Variants in UNC5D observed in about 807,000 individuals in gnomAD.
UNC5D encodes the protein netrin receptor UNC5D.
UNC5D carries 39 observed loss-of-function variants against 105.4 expected under a neutral mutation model. The observed-to-expected ratio is 0.37, with a 90% CI of 0.29 to 0.48. The LOEUF is 0.48. UNC5D is among the 20% of genes least tolerant of loss of function. The probability of loss-of-function intolerance (pLI) is 0.98; values close to 1 mark genes in which losing one functional copy is unlikely to be tolerated. For missense variants in UNC5D, 991 were observed against 1,202.4 expected (o/e 0.82, Z 2.60); for synonymous variants, 452 against 450.4 (o/e 1.00, Z -0.04).
At chr8:35,350,806 G>C (rs1812182857) in intron 1 of UNC5D, among the ~76,000 whole-genome samples, 1 of 151,976 alleles carries the variant, frequency 6.6e-6, no homozygotes, top group African/African-American at 2.4e-5. Flanking sequence ...TAATGTTTTT[G>C]AGTTTGTTTT....
At chr8:35,287,082 G>A in intron 1 of UNC5D, among the ~76,000 whole-genome samples, 1 of 152,112 alleles carries the variant, frequency 6.6e-6, no homozygotes, top group Non-Finnish European at 1.5e-5. Flanking sequence ...CCAAGCAAAG[G>A]CTGCCAGCCA....
intron 1 of UNC5D, among the ~76,000 whole-genome samples, chr8:35,259,126 C>T (rs943660507): frequency 6.6e-6 from 1 of 152,172 alleles, no homozygotes; most frequent in Non-Finnish European, 1.5e-5. Flanking sequence ...TGGTGTTGAG[C>T]TCTAAACTCC....
intron 1 of UNC5D, among the ~76,000 whole-genome samples, chr8:35,263,027 A>C (rs1480686431): frequency 6.6e-6 from 1 of 152,170 alleles, no homozygotes; most frequent in Non-Finnish European, 1.5e-5. Flanking sequence ...TTCCAGTTTC[A>C]TCTCTCACCA....
intron 1 of UNC5D, among the ~76,000 whole-genome samples, chr8:35,480,584 CTT>C (rs1252212957): frequency 6.6e-6 from 1 of 152,108 alleles, no homozygotes. Flanking sequence ...TATTGAACAA[CTT>C]TTTTTAATTG....
intron 11 of UNC5D, among the ~76,000 whole-genome samples, chr8:35,743,114 CAG>C (rs1469663610): frequency 6.6e-6 from 1 of 152,212 alleles, no homozygotes; most frequent in Admixed American, 6.5e-5. Context: ...GTCATCAAGA[CAG>C]AAAGTCAGCA....
chr8:35,475,787 CATA>C (rs1428208019), intron 1 of UNC5D, among the ~76,000 whole-genome samples: 1 of 152,130 alleles, frequency 6.6e-6, no homozygotes, highest in Non-Finnish European at 1.5e-5. Context: ...TACTTATGAC[CATA>C]ATGACCCATC....
chr8:35,525,867 T>G, intron 1 of UNC5D: 1 of 1,232,608 alleles, frequency 8.1e-7, no homozygotes, highest in Non-Finnish European at 1.1e-6. Flanking sequence ...AAAATCCAGT[T>G]TAGCTATTAA....
chr8:35,393,211 C>T (rs1480470017), intron 1 of UNC5D, among the ~76,000 whole-genome samples: 3 of 139,034 alleles, frequency 2.2e-5, no homozygotes, highest in Non-Finnish European at 3.0e-5. Flanking sequence ...CGGCTCACTG[C>T]AGGCTCCGCC....
Position 35,680,747 on chromosome 8 carries a change from C to T in UNC5D, c.571-2800C>T, listed in dbSNP as rs368571615. Among the ~76,000 whole-genome samples the T allele has an allele frequency of 5.3e-5, 8 of 152,272 alleles. No homozygotes were observed. In the South Asian group the frequency reaches 1.7e-3, roughly 32 times the overall value. On this transcript the variant is annotated intron_variant, in intron 4 of 16. Transcript: ENST00000404895. Reference sequence around the variant, plus strand: ...GTGCTAGGACTCCTTTAGTTTCAATCTTCAGGAGCACTGCCCACAGGGCTA... The same window carrying T: ...GTGCTAGGACTCCTTTAGTTTCAATTTTCAGGAGCACTGCCCACAGGGCTA...
At chr8:35,539,076 A>G (rs893597041) in intron 1 of UNC5D, among the ~76,000 whole-genome samples, 3 of 152,186 alleles carry the variant, frequency 2.0e-5, no homozygotes, top group Non-Finnish European at 4.4e-5. Flanking sequence ...CACACCTGCA[A>G]TCATTAGAAT....
intron 15 of UNC5D, among the ~76,000 whole-genome samples, 183 bp from the exon 16 acceptor site, chr8:35,774,116 T>G (rs1039522107): frequency 2.0e-5 from 3 of 152,206 alleles, no homozygotes; most frequent in Non-Finnish European, 4.4e-5. Context: ...TTTATTAGGC[T>G]ACTAGAGAAG....
intron 4 of UNC5D, among the ~76,000 whole-genome samples, chr8:35,641,366 C>CAGAAAAAAAAAAAAAAAAAGAAAAA (rs1822706608): frequency 2.3e-5 from 1 of 44,292 alleles, no homozygotes; most frequent in African/African-American, 8.5e-5. Flanking sequence ...AAAAATAAAG[C>CAGAAAAAAAAAAAAAAAAAGAAAAA]AAAAAAAAAA....
At chr8:35,453,617 A>T (rs1273890050) in intron 1 of UNC5D, among the ~76,000 whole-genome samples, 1 of 152,150 alleles carries the variant, frequency 6.6e-6, no homozygotes, top group African/African-American at 2.4e-5. Flanking sequence ...AGAGAAGAGA[A>T]AGTCCTCTGG....
At chr8:35,640,905 T>C (rs1822667801) in intron 4 of UNC5D, among the ~76,000 whole-genome samples, 1 of 152,066 alleles carries the variant, frequency 6.6e-6, no homozygotes, top group Admixed American at 6.6e-5. Flanking sequence ...CTCTGTCCTC[T>C]TCTTCCTCTT....
intron 7 of UNC5D, among the ~76,000 whole-genome samples, chr8:35,693,350 C>A (rs1021070356): frequency 6.6e-6 from 1 of 152,086 alleles, no homozygotes; most frequent in Non-Finnish European, 1.5e-5. Flanking sequence ...AGTTGCCCAT[C>A]CACTACTGAC....
Position 35,394,257 on chromosome 8 carries a change from C to T in UNC5D, c.104-155035C>T, listed in dbSNP as rs150738556. 6.9e-3 allele frequency among the ~76,000 whole-genome samples: 1,049 copies of T among 152,112 alleles called. 8 individuals carry two copies. Among genetic ancestry groups the T allele is most frequent in the African/African-American group, 0.023 (951 of 41,496 alleles). On this transcript the variant is annotated intron_variant, in intron 1 of 16. Coordinates refer to ENST00000404895, the MANE Select transcript of UNC5D (RefSeq NM_080872.4). Reference sequence around the variant, plus strand: ...TTATTAAGCAAATAATTTATGAAAGCGATGCAATGTCAATGAATATATACT... The same window carrying T: ...TTATTAAGCAAATAATTTATGAAAGTGATGCAATGTCAATGAATATATACT...
intron 1 of UNC5D, among the ~76,000 whole-genome samples, chr8:35,354,769 A>G (rs1421702662): frequency 6.6e-6 from 1 of 152,144 alleles, no homozygotes; most frequent in Non-Finnish European, 1.5e-5. Context: ...TTTCTGCGTC[A>G]GGATGTTGGG....
intron 1 of UNC5D, among the ~76,000 whole-genome samples, chr8:35,498,629 T>C (rs1811771272): frequency 6.6e-6 from 1 of 151,990 alleles, no homozygotes; most frequent in Admixed American, 6.6e-5. Context: ...TAGATTTATG[T>C]TGGTTTTAGG....
intron 1 of UNC5D, among the ~76,000 whole-genome samples, chr8:35,520,927 A>C (rs951981007): frequency 1.3e-5 from 2 of 152,146 alleles, no homozygotes; most frequent in Non-Finnish European, 2.9e-5. Flanking sequence ...TGTTTGTATA[A>C]AATACTTCAT....
Sources: gnomAD v4.1 joint callset for allele counts (sites outside exome capture counted in the v4.1 genomes callset) on GRCh38, gnomAD v4.1.1 for gene constraint, MANE v1.5 for transcripts, NCBI Gene and HGNC (gene_info 2026-07-23, HGNC 2026-07-21) for gene names.